The following APIP variants were observed in gnomAD, a reference collection of about 807,000 sequenced individuals.
APIP encodes the protein APAF1 interacting protein, also known as methylthioribulose-1-phosphate dehydratase.
In APIP, 32 loss-of-function variants were observed where a neutral mutation model predicts 32.0. The ratio of observed to expected loss-of-function variants is 1.00; its 90% CI spans 0.76 to 1.34. APIP has a LOEUF of 1.34. APIP is among the 40% of genes most tolerant of loss of function. The pLI is 0.00. For missense variants in APIP, 247 were observed against 298.6 expected, an observed-to-expected ratio of 0.83 and a Z score of 1.27; for synonymous variants, 92 against 94.8, an observed-to-expected ratio of 0.97 and a Z score of 0.17.
At chr11:34,915,859 T>TG in intron 1 of APIP, 3 of 311,652 alleles carry the variant, frequency 9.6e-6, no homozygotes, top group Non-Finnish European at 1.8e-5. Context: ...AAAAGAAGCT[T>TG]GGGGGGCGCG....
chr11:34,890,946 G>A (rs1853176493), intron 2 of APIP, among the ~76,000 whole-genome samples: 1 of 152,020 alleles, frequency 6.6e-6, no homozygotes. Context: ...TGGAAAATAT[G>A]CTCAATAGAA....
intron 5 of APIP, among the ~76,000 whole-genome samples, chr11:34,888,022 G>C (rs985863204): frequency 6.6e-6 from 1 of 152,066 alleles, no homozygotes; most frequent in Non-Finnish European, 1.5e-5. Context: ...CATCATGATA[G>C]AGATCTCAGT....
In APIP at chr11:34,883,391, A is replaced by G; in HGVS notation, c.575T>C (p.Val192Ala). Residue 192 changes from valine (V) to alanine (A), a missense_variant, in exon 6 of 7, where the codon GTC becomes GCC. Coordinates refer to ENST00000395787, the MANE Select transcript of APIP (RefSeq NM_015957.4). ...CCACACATATACTCCATGACGTCTG[A>G]CCAGTACTGCACAGGAGTCTGGGTA... ...NEYPDSCAVLVRRHGVYVWGE... is the reference protein window; with the variant it reads ...NEYPDSCAVLARRHGVYVWGE... 2 of 1,613,822 alleles carry G rather than the reference A, an allele frequency of 1.2e-6. No individual in the cohort carries two copies. Among genetic ancestry groups the G allele is most frequent in the Non-Finnish European group, 1.7e-6 (2 of 1,179,922 alleles).
In APIP at chr11:34,888,785, T is replaced by C. The variant is rs751590859; in HGVS notation, c.292A>G (p.Thr98Ala). The C allele has an allele frequency of 6.6e-7, 1 of 1,521,088 alleles. No homozygotes were observed. Among genetic ancestry groups the C allele is most frequent in the South Asian group, 1.4e-5 (1 of 73,038 alleles). 94.2% of individuals were successfully genotyped at this position (1,521,088 alleles called of 1,614,324 possible). A position where few individuals can be genotyped will look rare whatever the true frequency, so the allele number is the denominator to read the frequency against. ...GTGTAAGCATTCATGAAAAGAGGAGTACACTGGCTTTTTTTTAGCTTCTTC... is the reference window on the plus strand; with the variant it reads ...GTGTAAGCATTCATGAAAAGAGGAGCACACTGGCTTTTTTTTAGCTTCTTC... The part of the protein sequence containing the change: ...PSKKLKKSQC[T>A]PLFMNAYTMR... The change falls in exon 4 of 7, where the codon ACT (threonine) becomes GCT (alanine). Residue 98 changes from threonine to alanine, a missense_variant. Thr to Ala is a moderately conservative substitution (Grantham distance 58, BLOSUM62 0). Transcript: ENST00000395787.
intron 1 of APIP, among the ~76,000 whole-genome samples, chr11:34,904,447 A>C (rs2915214): frequency 0.8 from 121,514 of 152,170 alleles, 48,707 homozygotes; most frequent in East Asian, 0.83. Flanking sequence ...GGTCACTCTT[A>C]TTCCCATGGC....
chr11:34,894,324 A>G (rs2986426), intron 2 of APIP, among the ~76,000 whole-genome samples: 56,603 of 151,874 alleles, frequency 0.37, 10,936 homozygotes, highest in East Asian at 0.74. Flanking sequence ...GATTCAATAA[A>G]AAATAATTAT....
intron 2 of APIP, among the ~76,000 whole-genome samples, chr11:34,892,253 G>C (rs1023562825): frequency 8.5e-5 from 13 of 152,084 alleles, no homozygotes; most frequent in Non-Finnish European, 1.8e-4. Context: ...AAATATTAAA[G>C]TGAAATATCT....
At chr11:34,901,314 C>T (rs1853366394) in intron 1 of APIP, among the ~76,000 whole-genome samples, 1 of 151,338 alleles carries the variant, frequency 6.6e-6, no homozygotes, top group Non-Finnish European at 1.5e-5. Flanking sequence ...GCGGAGACCA[C>T]TGGAGACAGA....
chr11:34,888,524 G>A lies in APIP; in HGVS notation c.326-96C>T, dbSNP rs147583783. The A allele has an allele frequency of 7.6e-4, 1,155 of 1,515,564 alleles. 11 individuals carry two copies. In the African/African-American group the frequency reaches 0.015, roughly 20 times the overall value. 93.9% of individuals were successfully genotyped at this position (1,515,564 alleles called of 1,614,324 possible). A position where few individuals can be genotyped will look rare whatever the true frequency, so the allele number is the denominator to read the frequency against. On this transcript the variant is annotated intron_variant, in intron 4 of 6. Coordinates refer to ENST00000395787, the MANE Select transcript of APIP (RefSeq NM_015957.4). ...TATAGTTATACTTATATTTACATAT[G>A]GTTATGGGCTTATTTTTCCTGGCAT...
chr11:34,883,604 T>G (rs1853009735), intron 5 of APIP, 100 bp from the exon 6 acceptor site: 2 of 1,222,242 alleles, frequency 1.6e-6, no homozygotes, highest in East Asian at 2.4e-5. Flanking sequence ...GACATGCTGT[T>G]TGTGTCTGAA....
intron 1 of APIP, among the ~76,000 whole-genome samples, chr11:34,902,768 C>G (rs1030042288): frequency 1.3e-5 from 2 of 152,170 alleles, no homozygotes; most frequent in African/African-American, 4.8e-5. Context: ...CTCAGCCTTC[C>G]TGTAGGGAAG....
At chr11:34,913,606 C>T (rs887062288) in intron 1 of APIP, among the ~76,000 whole-genome samples, 1 of 152,148 alleles carries the variant, frequency 6.6e-6, no homozygotes, top group Non-Finnish European at 1.5e-5. Flanking sequence ...AAAGGTAGTG[C>T]GGACCCATAG....
intron 1 of APIP, among the ~76,000 whole-genome samples, chr11:34,912,520 C>A (rs1181694290): frequency 2.0e-5 from 3 of 152,134 alleles, no homozygotes; most frequent in African/African-American, 7.2e-5. Context: ...CTAGGTGTGT[C>A]TGTGAGGGTG....
chr11:34,882,595 C>G lies in APIP; in HGVS notation c.*122G>C, dbSNP rs191375138. On this transcript the variant is annotated 3_prime_UTR_variant, in exon 7 of 7. Coordinates refer to ENST00000395787, the MANE Select transcript of APIP (RefSeq NM_015957.4). ...AGAAGAGATTCAGGGTGACCATTTG[C>G]AGTATTTAGTGGCAAATTAGTAGCA... 1.5e-3 allele frequency: 912 copies of G among 612,806 alleles called. 1 individual carries two copies. Among genetic ancestry groups the G allele is most frequent in the Non-Finnish European group, 2.1e-3 (755 of 354,106 alleles). 38.0% of individuals were successfully genotyped at this position (612,806 alleles called of 1,614,324 possible).
intron 1 of APIP, among the ~76,000 whole-genome samples, chr11:34,911,420 A>G (rs1853549140): frequency 6.6e-6 from 1 of 152,110 alleles, no homozygotes; most frequent in South Asian, 2.1e-4. Flanking sequence ...GTATAGCTAT[A>G]CCTACCACAG....
chr11:34,885,064 G>A (rs867832659), intron 5 of APIP, among the ~76,000 whole-genome samples: 1 of 140,028 alleles, frequency 7.1e-6, no homozygotes, highest in African/African-American at 2.5e-5. Context: ...TTATGTATAT[G>A]TATACATTAT....
intron 1 of APIP, among the ~76,000 whole-genome samples, chr11:34,914,581 C>G (rs1299964187): frequency 6.6e-6 from 1 of 152,070 alleles, no homozygotes. Flanking sequence ...GCTGTGGTAA[C>G]CTGGCCAGCA....
chr11:34,915,459 G>T (rs1853656616), intron 1 of APIP, among the ~76,000 whole-genome samples: 4 of 152,152 alleles, frequency 2.6e-5, no homozygotes, highest in Non-Finnish European at 5.9e-5. Context: ...TAAGATAGGG[G>T]GAATAAGGAA....
intron 1 of APIP, among the ~76,000 whole-genome samples, chr11:34,903,806 C>A (rs1853401817): frequency 6.6e-6 from 1 of 152,172 alleles, no homozygotes; most frequent in African/African-American, 2.4e-5. Flanking sequence ...CGAGGGTATA[C>A]CTTTTAGTCC....
Sources: allele counts gnomAD v4.1 joint callset (sites outside exome capture counted in the v4.1 genomes callset), GRCh38; gene constraint gnomAD v4.1.1; transcripts MANE v1.5; gene names NCBI Gene and HGNC (gene_info 2026-07-23, HGNC 2026-07-21).